Variants in DNMBP observed in about 807,000 individuals in gnomAD.
The protein encoded by DNMBP is dynamin-binding protein.
DNMBP carries 87 observed loss-of-function variants against 150.0 expected under a neutral mutation model. The ratio of observed to expected loss-of-function variants is 0.58; its 90% CI spans 0.49 to 0.69. The LOEUF (loss-of-function observed/expected upper bound fraction) is 0.69, where lower values mean the gene tolerates loss of function less well. Among genes scored for constraint, DNMBP ranks in the 30% least tolerant of loss-of-function variants. The probability of loss-of-function intolerance (pLI) is 0.00; values close to 1 mark genes in which losing one functional copy is unlikely to be tolerated. For synonymous variants in DNMBP, 711 were observed against 750.4 expected, an observed-to-expected ratio of 0.95 and a Z score of 0.86; for missense variants, 1,774 against 1,949.0, an observed-to-expected ratio of 0.91 and a Z score of 1.69.
chr10:99,992,719 G>T (rs1402522510), intron 1 of DNMBP, among the ~76,000 whole-genome samples: 2 of 151,964 alleles, frequency 1.3e-5, no homozygotes, highest in Non-Finnish European at 2.9e-5. Flanking sequence ...GTAGAGATGG[G>T]GTTTCACCGT....
intron 6 of DNMBP, among the ~76,000 whole-genome samples, chr10:99,900,489 G>A (rs1428907544): frequency 1.3e-5 from 2 of 151,880 alleles, no homozygotes; most frequent in African/African-American, 4.8e-5. Context: ...TCATGTATTT[G>A]TTTTAGAACA....
intron 1 of DNMBP, among the ~76,000 whole-genome samples, chr10:100,007,684 A>C (rs2041090016): frequency 6.6e-6 from 1 of 152,250 alleles, no homozygotes; most frequent in African/African-American, 2.4e-5. Flanking sequence ...GCTGCCTTTC[A>C]TAGCAGGGAG....
chr10:99,971,863 T>TC (rs1465992075), intron 2 of DNMBP, 117 bp downstream of exon 2: 21 of 886,102 alleles, frequency 2.4e-5, no homozygotes, highest in African/African-American at 1.9e-4. Context: ...TTTCTTTCTT[T>TC]TTTTTTTTTT....
intron 1 of DNMBP, among the ~76,000 whole-genome samples, chr10:99,988,235 T>A (rs2040849749): frequency 6.6e-6 from 1 of 152,246 alleles, no homozygotes; most frequent in African/African-American, 2.4e-5. Context: ...TGATGTATTA[T>A]CCTCTTTAGA....
intron 4 of DNMBP, among the ~76,000 whole-genome samples, chr10:99,922,692 T>G (rs2040037528): frequency 6.6e-6 from 1 of 152,000 alleles, no homozygotes; most frequent in South Asian, 2.1e-4. Context: ...TAATTTTGTT[T>G]GTCTAGCTTC....
At chr10:99,972,320 A>G (rs963079999) in intron 1 of DNMBP, among the ~76,000 whole-genome samples, 186 bp from the exon 2 acceptor site, 7 of 152,174 alleles carry the variant, frequency 4.6e-5, no homozygotes, top group African/African-American at 9.7e-5. Flanking sequence ...CCCAGGCTGG[A>G]GTGCAGTGGA....
At chr10:99,918,203 C>G (rs2039987821) in intron 4 of DNMBP, among the ~76,000 whole-genome samples, 1 of 151,832 alleles carries the variant, frequency 6.6e-6, no homozygotes, top group Non-Finnish European at 1.5e-5. Context: ...GCCAGCCCAC[C>G]CAACCCCCAC....
At chr10:99,997,572 T>TA (rs911357683) in intron 1 of DNMBP, among the ~76,000 whole-genome samples, 3 of 151,694 alleles carry the variant, frequency 2.0e-5, no homozygotes, top group East Asian at 2.0e-4. Flanking sequence ...CAGACACCCT[T>TA]AAAAAATCCA....
chr10:99,916,852 C>T (rs1217585656), intron 4 of DNMBP, among the ~76,000 whole-genome samples: 1 of 152,062 alleles, frequency 6.6e-6, no homozygotes, highest in African/African-American at 2.4e-5. Flanking sequence ...TCAAAAGGGT[C>T]TGGGTAGAGA....
At chr10:99,965,093 GGC>G (rs1209564023) in intron 3 of DNMBP, among the ~76,000 whole-genome samples, 1 of 151,980 alleles carries the variant, frequency 6.6e-6, no homozygotes. Context: ...ATGAAGCCCA[GGC>G]GCCCAGGTTA....
intron 1 of DNMBP, among the ~76,000 whole-genome samples, chr10:100,002,823 C>T (rs998233520): frequency 6.6e-6 from 1 of 151,970 alleles, no homozygotes; most frequent in African/African-American, 2.4e-5. Context: ...GGCTTAATAC[C>T]TATTTATGAT....
chr10:99,934,252 A>T (rs1271393165), intron 4 of DNMBP, among the ~76,000 whole-genome samples: 1 of 152,104 alleles, frequency 6.6e-6, no homozygotes, highest in Admixed American at 6.5e-5. Flanking sequence ...TGTAGACAAT[A>T]ATTTCTTTTC....
intron 6 of DNMBP, among the ~76,000 whole-genome samples, chr10:99,903,482 C>T (rs555426182): frequency 2.0e-5 from 3 of 152,166 alleles, no homozygotes; most frequent in Non-Finnish European, 4.4e-5. Context: ...ACAAGTGTGC[C>T]CCACCATACC....
At chr10:99,918,650 TC>T (rs1483588895) in intron 4 of DNMBP, among the ~76,000 whole-genome samples, 3 of 147,480 alleles carry the variant, frequency 2.0e-5, no homozygotes, top group African/African-American at 7.5e-5. Flanking sequence ...CACTGCAACC[TC>T]CGCCTCCCAG....
rs138211629 is a variant in DNMBP at position 99,952,043 on chromosome 10, C to T, written c.2260+3171G>A. 3.8e-3 allele frequency among the ~76,000 whole-genome samples: 577 copies of T among 152,104 alleles called. 15 individuals carry two copies. The highest frequency in any genetic ancestry group is 6.0e-3 in the East Asian group (31 of 5,166). ...GGGCAGGTCTTTCCTGTGCTGCTCT[C>T]GTGAGAGTGAGTAAGTCTCATGAGA... is the stretch of plus-strand genomic sequence containing the variant. On this transcript the variant is annotated intron_variant, in intron 4 of 16. Transcript: ENST00000324109.
intron 3 of DNMBP, among the ~76,000 whole-genome samples, chr10:99,962,854 T>C (rs2040579352): frequency 1.3e-5 from 2 of 152,224 alleles, no homozygotes; most frequent in Admixed American, 1.3e-4. Flanking sequence ...TTCCTTGTTT[T>C]GTCAGATCCC....
chr10:99,913,942 C>T, intron 4 of DNMBP: 2 of 1,372,908 alleles, frequency 1.5e-6, no homozygotes, highest in Non-Finnish European at 1.9e-6. Flanking sequence ...CTCCCACACC[C>T]CAGGACCTAC....
In DNMBP at chr10:99,879,084, C is replaced by CAAAAAAAA. The variant is rs71009780; in HGVS notation, c.4548+719_4548+726dup. On this transcript the variant is annotated intron_variant, in intron 16 of 16. Transcript: ENST00000324109. ...TGGGCGACAGAGCAAGACTCTGTCT[C>CAAAAAAAA]AAAAAAAAAAAAAAAAACCCAAAAC... Among the ~76,000 whole-genome samples, 28 of 62,394 alleles carry CAAAAAAAA rather than the reference C, an allele frequency of 4.5e-4. 2 individuals carry two copies. Among genetic ancestry groups the CAAAAAAAA allele is most frequent in the African/African-American group, 9.8e-4 (12 of 12,224 alleles). The allele number at this position is 62,394 out of a possible 152,430, so 40.9% of individuals were successfully genotyped here.
Position 99,956,480 on chromosome 10 carries a change from A to T in DNMBP, c.994T>A (p.Leu332Ile). The T allele has an allele frequency of 6.2e-7, 1 of 1,613,918 alleles. No individual in the cohort carries two copies. Among genetic ancestry groups the T allele is most frequent in the Non-Finnish European group, 8.5e-7 (1 of 1,179,966 alleles). Residue 332 changes from leucine to isoleucine, a missense_variant, in exon 4 of 17, where the codon TTA (leucine) becomes ATA (isoleucine). By Grantham distance (5) the Leu-to-Ile change is conservative (BLOSUM62 2). Coordinates refer to ENST00000324109, the MANE Select transcript of DNMBP (RefSeq NM_015221.4). ...ETSLDCLENT[L>I]GVEEQRHETS... ...TCATGTCTTTGTTCCTCTACTCCTA[A>T]GGTGTTCTCCAAACAATCCAAAGAA...
Sources: allele counts gnomAD v4.1 joint callset (sites outside exome capture counted in the v4.1 genomes callset), GRCh38; gene constraint gnomAD v4.1.1; transcripts MANE v1.5; gene names NCBI Gene and HGNC (gene_info 2026-07-23, HGNC 2026-07-21).